The following DPY19L1 variants were observed in gnomAD, a reference collection of about 807,000 sequenced individuals.
The protein encoded by DPY19L1 is protein C-mannosyl-transferase DPY19L1.
A neutral mutation model predicts 96.9 loss-of-function variants in DPY19L1; 35 were observed. That is an observed-to-expected ratio of 0.36 (90% CI 0.28 to 0.48). The LOEUF (loss-of-function observed/expected upper bound fraction) is 0.48, where lower values mean the gene tolerates loss of function less well. Among genes scored for constraint, DPY19L1 ranks in the 20% least tolerant of loss-of-function variants. The pLI is 0.99. For synonymous variants in DPY19L1, 205 were observed against 252.6 expected, an observed-to-expected ratio of 0.81 and a Z score of 1.79; for missense variants, 521 against 777.9, an observed-to-expected ratio of 0.67 and a Z score of 3.93.
At chr7:34,989,461 A>T (rs1785117189) in intron 7 of DPY19L1, among the ~76,000 whole-genome samples, 1 of 152,070 alleles carries the variant, frequency 6.6e-6, no homozygotes, top group Non-Finnish European at 1.5e-5. Context: ...TAAAAAATTT[A>T]AAAAACTAGC....
intron 1 of DPY19L1, among the ~76,000 whole-genome samples, chr7:35,029,946 T>G (rs1040389342): frequency 4.6e-5 from 7 of 152,204 alleles, no homozygotes; most frequent in Non-Finnish European, 1.0e-4. Context: ...AATAATTACA[T>G]TGGGCCATTC....
At chr7:35,026,719 A>T (rs889349165) in intron 1 of DPY19L1, among the ~76,000 whole-genome samples, 1 of 152,230 alleles carries the variant, frequency 6.6e-6, no homozygotes, top group African/African-American at 2.4e-5. Flanking sequence ...AGTAAATTCA[A>T]AAGATACACT....
chr7:34,970,001 A>G (rs1349190356), intron 8 of DPY19L1, among the ~76,000 whole-genome samples: 2 of 152,250 alleles, frequency 1.3e-5, no homozygotes, highest in Non-Finnish European at 2.9e-5. Context: ...GGTCTGGCAC[A>G]GGTAGGAGAA....
At position 34,969,639 on chromosome 7, in the gene DPY19L1, C is replaced by A. The variant is rs557383284; in HGVS notation, c.915-107G>T. 41 of 524,412 alleles carry A rather than the reference C, an allele frequency of 7.8e-5. No individual in the cohort carries two copies. The East Asian group carries it at 1.3e-3, about 17-fold the overall frequency. 32.5% of individuals were successfully genotyped at this position (524,412 alleles called of 1,614,324 possible). On this transcript the variant is annotated intron_variant, in intron 8 of 21. Coordinates refer to ENST00000638088, the MANE Select transcript of DPY19L1 (RefSeq NM_001366673.1). Reference sequence around the variant, plus strand: ...CGAAATATATATGATCTGGTTATAACACAACCTAAACATAAAATGAACCAA... The same window carrying A: ...CGAAATATATATGATCTGGTTATAAAACAACCTAAACATAAAATGAACCAA...
rs768748922 is a variant in DPY19L1, at chr7:34,941,812, A to G, written c.1642T>C (p.Leu548=). 2 of 1,593,118 alleles carry G rather than the reference A, an allele frequency of 1.3e-6. No homozygotes were observed. Among genetic ancestry groups the G allele is most frequent in the East Asian group, 4.5e-5 (2 of 44,724 alleles). ...GILIMRLKLF[L]TPHMCVMASL... ...GCCATAACACACATGTGTGGTGTCA[A>G]GAAGAGTTTTAGTCTCATAATTAAA... Residue 548 remains leucine, a synonymous_variant, in exon 18 of 22, where the codon TTG becomes CTG. Transcript: ENST00000638088.
At chr7:34,941,720 A>G (rs1169485443) in intron 18 of DPY19L1, 45 bp downstream of exon 18, 1 of 1,585,598 alleles carries the variant, frequency 6.3e-7, no homozygotes, top group Non-Finnish European at 8.5e-7. Context: ...TCAATAATAA[A>G]GGCTAAAATT....
At chr7:34,994,185 T>A (rs1357388484) in intron 6 of DPY19L1, among the ~76,000 whole-genome samples, 1 of 152,144 alleles carries the variant, frequency 6.6e-6, no homozygotes. Context: ...TCTTTCATAA[T>A]CTAACAGGTC....
intron 11 of DPY19L1, 61 bp downstream of exon 11, chr7:34,957,923 A>G: frequency 8.9e-7 from 1 of 1,119,438 alleles, no homozygotes. Flanking sequence ...AAGCCAGTGA[A>G]GAAAAAATTG....
Position 34,940,264 on chromosome 7 carries a change from TTGC to T in DPY19L1, c.1750_1752del (p.Ala584del). 6.2e-7 allele frequency: 1 copy of T among 1,612,526 alleles called. No homozygotes were observed. The highest frequency in any genetic ancestry group is 2.2e-5 in the East Asian group (1 of 44,824). The stretch of plus-strand genomic sequence containing the variant: ...AGATTTGCTGAACCTTGTATTGACA[TTGC>T]TGCTAATATAGCAAACACAATAGCA... On this transcript the variant is annotated inframe_deletion, in exon 19 of 22. Transcript: ENST00000638088.
intron 17 of DPY19L1, 105 bp from the exon 18 acceptor site, chr7:34,941,989 ATAC>A (rs2128781931): frequency 8.4e-7 from 1 of 1,187,536 alleles, no homozygotes; most frequent in South Asian, 1.7e-5. Context: ...GTAACAAAAA[ATAC>A]TACTAAGGTT....
At chr7:34,976,870 A>T (rs1403160880) in intron 7 of DPY19L1, among the ~76,000 whole-genome samples, 2 of 151,474 alleles carry the variant, frequency 1.3e-5, no homozygotes, top group Non-Finnish European at 2.9e-5. Flanking sequence ...TGCAACATCC[A>T]CCTCCTGGGT....
chr7:34,995,032 G>A (rs1285430370), intron 6 of DPY19L1, among the ~76,000 whole-genome samples: 1 of 152,120 alleles, frequency 6.6e-6, no homozygotes, highest in East Asian at 1.9e-4. Context: ...ACTAACAAAA[G>A]AGGCCGATTT....
intron 6 of DPY19L1, among the ~76,000 whole-genome samples, chr7:34,990,235 C>T (rs1056510153): frequency 6.6e-6 from 1 of 152,174 alleles, no homozygotes; most frequent in African/African-American, 2.4e-5. Context: ...GTACATCACG[C>T]AACCTGATAT....
intron 10 of DPY19L1, among the ~76,000 whole-genome samples, chr7:34,965,192 T>C (rs1784584141): frequency 6.6e-6 from 1 of 152,126 alleles, no homozygotes; most frequent in African/African-American, 2.4e-5. Flanking sequence ...GTGAAGAATG[T>C]ACAGCATTAT....
chr7:34,983,189 A>G (rs913946891), intron 7 of DPY19L1, among the ~76,000 whole-genome samples: 2 of 152,174 alleles, frequency 1.3e-5, no homozygotes, highest in African/African-American at 4.8e-5. Flanking sequence ...TGAAGCAAAA[A>G]TGATTATCTA....
chr7:34,965,117 C>CTTA (rs2128666570), intron 10 of DPY19L1, among the ~76,000 whole-genome samples: 1 of 152,086 alleles, frequency 6.6e-6, no homozygotes, highest in Non-Finnish European at 1.5e-5. Context: ...AATTTACCAC[C>CTTA]CAACAAGTTT....
intron 10 of DPY19L1, among the ~76,000 whole-genome samples, chr7:34,959,916 TATATATATTTA>T (rs1784461573): frequency 4.3e-5 from 1 of 23,048 alleles, no homozygotes; most frequent in Non-Finnish European, 9.6e-5. Context: ...TATATATATA[TATATATATTTA>T]TATATATATA....
chr7:35,011,239 T>C lies in DPY19L1; in HGVS notation c.670+91A>G, dbSNP rs188075196. On this transcript the variant is annotated intron_variant, in intron 5 of 21. Transcript: ENST00000638088. ...TGCATAATAAAATGGGTGTTGTTTA[T>C]ACCACTAAGTTTACAGTGTAAGTTT... The C allele has an allele frequency of 1.9e-5, 28 of 1,451,524 alleles. 1 individual carries two copies. The Admixed American group carries it at 4.8e-4, about 25-fold the overall frequency. 89.9% of individuals were successfully genotyped at this position (1,451,524 alleles called of 1,614,324 possible). A position where few individuals can be genotyped will look rare whatever the true frequency, so the allele number is the denominator to read the frequency against.
intron 7 of DPY19L1, among the ~76,000 whole-genome samples, chr7:34,979,977 A>T (rs1784905682): frequency 6.6e-6 from 1 of 152,106 alleles, no homozygotes; most frequent in South Asian, 2.1e-4. Flanking sequence ...ACGAAGAACA[A>T]GGTTGGAGAT....
Sources: allele counts gnomAD v4.1 joint callset (sites outside exome capture counted in the v4.1 genomes callset), GRCh38; gene constraint gnomAD v4.1.1; transcripts MANE v1.5; gene names NCBI Gene and HGNC (gene_info 2026-07-23, HGNC 2026-07-21).